CDH12: variants seen among roughly 807,000 people sequenced by gnomAD.
The protein encoded by CDH12 is cadherin 12.
CDH12 carries 41 observed loss-of-function variants against 74.1 expected under a neutral mutation model. That is an observed-to-expected ratio of 0.55 (90% confidence interval 0.43 to 0.72). The LOEUF (loss-of-function observed/expected upper bound fraction) is 0.72. Among genes scored for constraint, CDH12 ranks in the 30% least tolerant of loss-of-function variants. The pLI is 0.00. For synonymous variants in CDH12, 399 were observed against 355.0 expected (o/e 1.12, Z -1.39); for missense variants, 945 against 977.2 (o/e 0.97, Z 0.44).
chr5:22,521,936 A>G (rs1276135825), intron 1 of CDH12, among the ~76,000 whole-genome samples: 1 of 152,098 alleles, frequency 6.6e-6, no homozygotes, highest in East Asian at 1.9e-4. Flanking sequence ...TCTCAACCAA[A>G]TTAGCAAAAA....
chr5:22,637,421 C>T (rs1359704821), intron 1 of CDH12, among the ~76,000 whole-genome samples: 2 of 152,242 alleles, frequency 1.3e-5, no homozygotes, highest in South Asian at 2.1e-4. Flanking sequence ...CTTCCTTACA[C>T]GGGTGATGAT....
intron 1 of CDH12, among the ~76,000 whole-genome samples, chr5:22,603,913 C>T (rs539035459): frequency 1.2e-3 from 180 of 152,176 alleles, no homozygotes; most frequent in Non-Finnish European, 2.1e-3. Flanking sequence ...TGATTTCATG[C>T]TAATGGGAAT....
At chr5:22,361,423 T>G (rs1740795187) in intron 3 of CDH12, among the ~76,000 whole-genome samples, 2 of 151,904 alleles carry the variant, frequency 1.3e-5, no homozygotes, top group African/African-American at 4.8e-5. Context: ...CTCAATGAAA[T>G]AAAAGAGGAC....
chr5:22,306,093 T>G (rs74428341), intron 3 of CDH12, among the ~76,000 whole-genome samples: 4,402 of 152,326 alleles, frequency 0.029, 92 homozygotes, highest in South Asian at 0.094. Context: ...GTCTTTATAC[T>G]TTTGTTCAGG....
At chr5:22,722,884 G>C (rs1743971179) in intron 1 of CDH12, among the ~76,000 whole-genome samples, 1 of 152,160 alleles carries the variant, frequency 6.6e-6, no homozygotes, top group African/African-American at 2.4e-5. Context: ...TTGTATGTGA[G>C]CAAAGTGTGT....
At chr5:22,546,975 G>A (rs1738358830) in intron 1 of CDH12, among the ~76,000 whole-genome samples, 1 of 152,130 alleles carries the variant, frequency 6.6e-6, no homozygotes, top group Non-Finnish European at 1.5e-5. Flanking sequence ...GCATAGATCT[G>A]TTTGGAAAAT....
At chr5:22,416,659 TA>T (rs146384744) in intron 2 of CDH12, among the ~76,000 whole-genome samples, 1 of 151,574 alleles carries the variant, frequency 6.6e-6, no homozygotes, top group Non-Finnish European at 1.5e-5. Context: ...AAGGAATACA[TA>T]AAAAAAATAA....
chr5:22,709,544 A>C (rs1306672983), intron 1 of CDH12, among the ~76,000 whole-genome samples: 2 of 152,232 alleles, frequency 1.3e-5, no homozygotes, highest in South Asian at 4.1e-4. Context: ...GCACTAAATA[A>C]TTAGCAAATG....
chr5:22,027,626 T>G lies in CDH12; in HGVS notation c.231+50820A>C, dbSNP rs570739664. On this transcript the variant is annotated intron_variant, in intron 5 of 14. Coordinates refer to ENST00000382254, the MANE Select transcript of CDH12 (RefSeq NM_004061.5). ...TAGAGGTGTTTGTAGTATTCTCTGATGGTAGTTTGTATTTCTGTGGGATCA... is the reference window on the plus strand; with the variant it reads ...TAGAGGTGTTTGTAGTATTCTCTGAGGGTAGTTTGTATTTCTGTGGGATCA... Among the ~76,000 whole-genome samples, 158 of 152,302 alleles carry G rather than the reference T, an allele frequency of 1.0e-3. 4 individuals are homozygous for G. The highest frequency in any genetic ancestry group is 3.4e-3 in the African/African-American group (140 of 41,570).
chr5:22,259,881 A>G (rs1200733184), intron 3 of CDH12, among the ~76,000 whole-genome samples: 1 of 152,022 alleles, frequency 6.6e-6, no homozygotes, highest in Admixed American at 6.6e-5. Flanking sequence ...CAAATAAATA[A>G]TAAAACATAT....
At chr5:22,596,416 G>A (rs1192171236) in intron 1 of CDH12, among the ~76,000 whole-genome samples, 2 of 152,126 alleles carry the variant, frequency 1.3e-5, no homozygotes, top group African/African-American at 4.8e-5. Flanking sequence ...ACTCCAGCCT[G>A]GGCAACAAGA....
intron 3 of CDH12, among the ~76,000 whole-genome samples, chr5:22,296,217 C>T (rs1737617754): frequency 6.6e-6 from 1 of 151,792 alleles, no homozygotes; most frequent in African/African-American, 2.4e-5. Flanking sequence ...TTGATTTTAG[C>T]AGTAGGAAAA....
At chr5:22,531,041 G>C (rs749535221) in intron 1 of CDH12, among the ~76,000 whole-genome samples, 14 of 151,998 alleles carry the variant, frequency 9.2e-5, no homozygotes, top group Non-Finnish European at 1.8e-4. Context: ...ATCTCTGAAA[G>C]TCTTTGCTAT....
chr5:22,330,463 A>G (rs1739301431), intron 3 of CDH12, among the ~76,000 whole-genome samples: 2 of 152,080 alleles, frequency 1.3e-5, no homozygotes, highest in South Asian at 4.1e-4. Context: ...ATATTAAAGA[A>G]AAGCAGGGGC....
At chr5:22,052,312 T>C (rs1007557486) in intron 5 of CDH12, among the ~76,000 whole-genome samples, 1 of 152,188 alleles carries the variant, frequency 6.6e-6, no homozygotes, top group Admixed American at 6.6e-5. Context: ...TTACAATTTA[T>C]TGGTTTCACT....
At chr5:22,833,462 G>C (rs1315524817) in intron 1 of CDH12, among the ~76,000 whole-genome samples, 1 of 152,080 alleles carries the variant, frequency 6.6e-6, no homozygotes, top group Non-Finnish European at 1.5e-5. Flanking sequence ...AATTAAAAAA[G>C]ACACACCTTT....
intron 11 of CDH12, among the ~76,000 whole-genome samples, chr5:21,770,786 A>C (rs981204389): frequency 4.6e-5 from 7 of 152,180 alleles, no homozygotes; most frequent in African/African-American, 1.4e-4. Context: ...CACTATTCAC[A>C]ATAGCAAAGA....
intron 3 of CDH12, among the ~76,000 whole-genome samples, chr5:22,396,965 C>G (rs548806374): frequency 2.0e-5 from 3 of 152,046 alleles, no homozygotes; most frequent in Non-Finnish European, 1.5e-5. Context: ...CATTAAAATA[C>G]TCATTGCTTT....
At chr5:21,882,739 C>G in intron 6 of CDH12, 1 of 1,604,662 alleles carries the variant, frequency 6.2e-7, no homozygotes, top group Admixed American at 1.7e-5. Flanking sequence ...TTAGCCGATG[C>G]TGTGGCCGTT....
Sources: gnomAD v4.1 joint callset for allele counts (sites outside exome capture counted in the v4.1 genomes callset) on GRCh38, gnomAD v4.1.1 for gene constraint, MANE v1.5 for transcripts, NCBI Gene and HGNC (gene_info 2026-07-23, HGNC 2026-07-21) for gene names.